The following PIK3C2A variants were observed in gnomAD, a reference collection of about 807,000 sequenced individuals.
PIK3C2A encodes the protein phosphatidylinositol 4-phosphate 3-kinase C2 domain-containing subunit alpha.
Under a neutral mutation model 204.5 loss-of-function variants are expected in PIK3C2A, and 97 were observed. That is an observed-to-expected ratio of 0.47 (90% CI 0.40 to 0.56). PIK3C2A has a LOEUF of 0.56. Among genes scored for constraint, PIK3C2A ranks in the 20% least tolerant of loss-of-function variants. The probability of loss-of-function intolerance (pLI) is 0.00; values close to 1 mark genes in which losing one functional copy is unlikely to be tolerated. For synonymous variants in PIK3C2A, 653 were observed against 664.4 expected (o/e 0.98, Z 0.26); for missense variants, 1,735 against 1,969.2 (o/e 0.88, Z 2.25).
intron 22 of PIK3C2A, among the ~76,000 whole-genome samples, chr11:17,107,620 C>T (rs969810801): frequency 2.0e-5 from 3 of 152,114 alleles, no homozygotes; most frequent in South Asian, 4.1e-4. Flanking sequence ...CTACTATATG[C>T]TATCTGGATA....
At chr11:17,166,841 G>A (rs1850970555) in intron 2 of PIK3C2A, among the ~76,000 whole-genome samples, 1 of 152,140 alleles carries the variant, frequency 6.6e-6, no homozygotes, top group African/African-American at 2.4e-5. Flanking sequence ...TTTCTCTCAT[G>A]AGAAACCTAT....
At chr11:17,167,103 T>C (rs893582009) in intron 2 of PIK3C2A, among the ~76,000 whole-genome samples, 7 of 152,106 alleles carry the variant, frequency 4.6e-5, no homozygotes, top group Admixed American at 4.6e-4. Context: ...CCCAAGTAGC[T>C]GGGACCACAG....
chr11:17,092,849 C>T (rs1848348114), intron 28 of PIK3C2A, among the ~76,000 whole-genome samples: 1 of 152,052 alleles, frequency 6.6e-6, no homozygotes, highest in African/African-American at 2.4e-5. Flanking sequence ...TGGCAAAAAA[C>T]GCAATTACTT....
At chr11:17,157,859 GCAAATCCTCTGGTTTCA>G (rs1233951141) in intron 2 of PIK3C2A, among the ~76,000 whole-genome samples, 1 of 152,082 alleles carries the variant, frequency 6.6e-6, no homozygotes, top group Non-Finnish European at 1.5e-5. Flanking sequence ...ATATTTCCTA[GCAAATCCTCTGGTTTCA>G]CACTCCAAAT....
intron 8 of PIK3C2A, among the ~76,000 whole-genome samples, chr11:17,142,071 T>C (rs561902308): frequency 6.6e-6 from 1 of 152,204 alleles, no homozygotes; most frequent in South Asian, 2.1e-4. Flanking sequence ...GAACCTAACA[T>C]TGCTCTCAAA....
At chr11:17,094,125 T>C in intron 28 of PIK3C2A, 136 bp downstream of exon 28, 1 of 582,770 alleles carries the variant, frequency 1.7e-6, no homozygotes, top group Non-Finnish European at 2.9e-6. Flanking sequence ...TTGTATTAGG[T>C]CTTTATGACA....
At chr11:17,127,828 T>G (rs2137366975) in intron 13 of PIK3C2A, among the ~76,000 whole-genome samples, 1 of 152,208 alleles carries the variant, frequency 6.6e-6, no homozygotes, top group East Asian at 1.9e-4. Flanking sequence ...TCCCAAACTG[T>G]CCCAAGGGAC....
Position 17,169,014 on chromosome 11 carries a change from C to T in PIK3C2A, c.728G>A (p.Arg243Lys), listed in dbSNP as rs758363620. The T allele has an allele frequency of 8.1e-6, 13 of 1,613,790 alleles. No individual in the cohort carries two copies. The highest frequency in any genetic ancestry group is 1.7e-4 in the Middle Eastern group (1 of 6,060). Residue 243 changes from arginine (R) to lysine (K), a missense_variant, in exon 2 of 33, where the codon AGG (arginine) becomes AAG (lysine). This residue lies in a region of PIK3C2A where 536 missense variants were observed against 546.7 expected (regional missense o/e 0.98). Transcript: ENST00000691414. ...TGAATCTGTTATCTCCAAATCAGTC[C>T]TTGCTTTCCCATTTTTTAAAAATTC... ...TSEFLKNGKA[R>K]TDLEITDSKV...
At chr11:17,159,570 C>T (rs187399669) in intron 2 of PIK3C2A, among the ~76,000 whole-genome samples, 7 of 152,290 alleles carry the variant, frequency 4.6e-5, no homozygotes, top group African/African-American at 1.7e-4. Flanking sequence ...CTCACTCTCT[C>T]TGTTAACTGC....
intron 30 of PIK3C2A, 23 bp from the exon 31 acceptor site, chr11:17,091,679 C>G (rs761730991): frequency 1.4e-5 from 20 of 1,410,236 alleles, no homozygotes; most frequent in Non-Finnish European, 1.8e-5. Context: ...ATATTTTCAT[C>G]TTTATTTACT....
rs184102054 is a variant in PIK3C2A at position 17,193,220 on chromosome 11, T to C, written c.-66+14628A>G. On this transcript the variant is annotated intron_variant, in intron 1 of 32. Transcript: ENST00000691414. ...ATAAATTTATTTTCTTTATAAAGTA[T>C]CAATCTGTGGTATTGTTACAGCAGC... is the stretch of plus-strand genomic sequence containing the variant. 2.5e-4 allele frequency among the ~76,000 whole-genome samples: 38 copies of C among 152,342 alleles called. 1 individual carries two copies. The highest frequency in any genetic ancestry group is 2.3e-3 in the East Asian group (12 of 5,194).
In PIK3C2A at chr11:17,131,949, T is replaced by C. The variant is rs1207947535; in HGVS notation, c.2198A>G (p.Lys733Arg). The C allele has an allele frequency of 6.3e-7, 1 of 1,599,688 alleles. No homozygotes were observed. Among genetic ancestry groups the C allele is most frequent in the South Asian group, 1.1e-5 (1 of 88,502 alleles). ...CCATTTAATAAGATAGAAGAAATTCTTGTAAGTGCCAACCTTCTTTGATTG... is the reference window on the plus strand; with the variant it reads ...CCATTTAATAAGATAGAAGAAATTCCTGTAAGTGCCAACCTTCTTTGATTG... ...PIQSKKVGTY[K>R]NFFYLIKWDE... Residue 733 changes from lysine (K) to arginine (R), a missense_variant, in exon 12 of 33, where the codon AAG becomes AGG. Lys to Arg is a conservative substitution (Grantham distance 26). Transcript: ENST00000691414.
Position 17,169,533 on chromosome 11 carries a change from T to C in PIK3C2A, c.209A>G (p.Lys70Arg). Residue 70 changes from lysine to arginine, a missense_variant, in exon 2 of 33, where the codon AAG becomes AGG. This residue lies in a region of PIK3C2A where 536 missense variants were observed against 546.7 expected (regional missense o/e 0.98). Transcript: ENST00000691414. ...AAACACCATGAGATCATAATCCTGC[T>C]TGTTATAAACCTGTGCTTTTTTTCT... Reference protein sequence around the residue: ...STRKKAQVYNKQDYDLMVFPE... With the variant: ...STRKKAQVYNRQDYDLMVFPE... The C allele has an allele frequency of 1.2e-6, 2 of 1,614,162 alleles. No homozygotes were observed. The highest frequency in any genetic ancestry group is 1.7e-6 in the Non-Finnish European group (2 of 1,180,008).
At chr11:17,150,722 G>T in intron 3 of PIK3C2A, 67 bp from the exon 4 acceptor site, 2 of 1,176,346 alleles carry the variant, frequency 1.7e-6, no homozygotes, top group Non-Finnish European at 2.3e-6. Flanking sequence ...TCTGAACAAG[G>T]CTTTACATGT....
chr11:17,181,530 G>A (rs571179703), intron 1 of PIK3C2A, among the ~76,000 whole-genome samples: 21 of 150,810 alleles, frequency 1.4e-4, no homozygotes, highest in African/African-American at 4.9e-4. Context: ...TACTTGGGAA[G>A]CTGTGGTAGG....
In PIK3C2A at chr11:17,094,361, C is replaced by T. The variant is rs764577625; in HGVS notation, c.4351G>A (p.Glu1451Lys). The stretch of plus-strand genomic sequence containing the variant: ...ACAAATGATGGTTCAATCTGTCCTT[C>T]CCTCAAAATTCGGACTACATAAATC... ...HYIYVVRILR[E>K]GQIEPSFVFR... Residue 1451 changes from glutamate to lysine, a missense_variant, in exon 28 of 33, where the codon GAA (glutamate) becomes AAA (lysine). Glu to Lys is a moderately conservative substitution (Grantham distance 56). Around this residue, in one of 6 missense-constraint regions of PIK3C2A, gnomAD observed 503 missense variants for 669.0 expected, o/e 0.75. Transcript: ENST00000691414. 1.9e-6 allele frequency: 3 copies of T among 1,609,588 alleles called. No individual in the cohort carries two copies. Among genetic ancestry groups the T allele is most frequent in the East Asian group, 4.5e-5 (2 of 44,850 alleles).
chr11:17,089,852 T>G lies in PIK3C2A; in HGVS notation c.4947A>C (p.Ala1649=). ...AGAAAAAATTCTCCCGCAGAGATTC[T>G]GCACTGAGTACACTTAGTTGAAGTT... ...QRELQLSVLS[A]ESLRENFFLG... The change falls in exon 33 of 33, where the codon GCA becomes GCC. Residue 1649 remains alanine (A), a synonymous_variant. Coordinates refer to ENST00000691414, the MANE Select transcript of PIK3C2A (RefSeq NM_002645.4). The G allele has an allele frequency of 1.9e-6, 3 of 1,613,798 alleles. 1 individual carries two copies. In the South Asian group the frequency reaches 3.3e-5, roughly 18 times the overall value.
chr11:17,141,750 T>C (rs1850071317), intron 8 of PIK3C2A, among the ~76,000 whole-genome samples: 1 of 152,234 alleles, frequency 6.6e-6, no homozygotes, highest in Non-Finnish European at 1.5e-5. Context: ...GAAGACATAC[T>C]GTAGAGGGCA....
At position 17,169,211 on chromosome 11, in the gene PIK3C2A, G is replaced by C; in HGVS notation, c.531C>G (p.Pro177=). Residue 177 remains proline, a synonymous_variant, in exon 2 of 33, where the codon CCC becomes CCG. Transcript: ENST00000691414. ...ATATAGGTTCTGTAGATGGAAAAGT[G>C]GGCATTCTTGGATTGAAGCCATTTT... ...AFQNGFNPRM[P]TFPSTEPIYL... 1 of 1,614,016 alleles carries C rather than the reference G, an allele frequency of 6.2e-7. No individual in the cohort carries two copies. Among genetic ancestry groups the C allele is most frequent in the Non-Finnish European group, 8.5e-7 (1 of 1,179,978 alleles).
Sources: gnomAD v4.1 joint callset for allele counts (sites outside exome capture counted in the v4.1 genomes callset) on GRCh38, gnomAD v4.1.1 for gene constraint, gnomAD v4.1.1 regional missense constraint, MANE v1.5 for transcripts, NCBI Gene and HGNC (gene_info 2026-07-23, HGNC 2026-07-21) for gene names.